Variants in PCDH9 observed in about 807,000 individuals in gnomAD.
PCDH9 encodes protocadherin 9.
In PCDH9, 24 loss-of-function variants were observed where a neutral mutation model predicts 70.6. The ratio of observed to expected loss-of-function variants is 0.34; its 90% CI spans 0.25 to 0.48. PCDH9 has a LOEUF of 0.48. Ranked by LOEUF, PCDH9 falls within the 20% of genes least tolerant of loss-of-function variation. PCDH9 has a pLI of 0.99. For missense variants in PCDH9, 1,281 were observed against 1,503.6 expected (o/e 0.85, Z 2.45); for synonymous variants, 562 against 558.5 (o/e 1.01, Z -0.09).
At chr13:67,007,616 G>A (rs2084377588) in intron 2 of PCDH9, among the ~76,000 whole-genome samples, 1 of 152,154 alleles carries the variant, frequency 6.6e-6, no homozygotes, top group African/African-American at 2.4e-5. Flanking sequence ...TCAGCAAAAA[G>A]TTGTGAACCA....
intron 3 of PCDH9, among the ~76,000 whole-genome samples, chr13:66,866,992 G>A (rs2081587558): frequency 6.8e-6 from 1 of 147,394 alleles, no homozygotes; most frequent in African/African-American, 2.5e-5. Context: ...AATTGTTTAT[G>A]TTAATGACCA....
chr13:66,772,403 A>C (rs1487065015), intron 3 of PCDH9, among the ~76,000 whole-genome samples: 1 of 152,092 alleles, frequency 6.6e-6, no homozygotes, highest in South Asian at 2.1e-4. Flanking sequence ...TTTCTAGCTC[A>C]TTTTTTCCTC....
At chr13:67,062,054 G>A (rs1441015653) in intron 2 of PCDH9, among the ~76,000 whole-genome samples, 2 of 152,168 alleles carry the variant, frequency 1.3e-5, no homozygotes, top group African/African-American at 4.8e-5. Context: ...AGTTTCAGCT[G>A]GTGGAAGTCA....
At position 66,533,352 on chromosome 13, in the gene PCDH9, C is replaced by T. The variant is rs1046581264; in HGVS notation, c.3340+97858G>A. 2.0e-5 allele frequency among the ~76,000 whole-genome samples: 3 copies of T among 151,688 alleles called. No homozygotes were observed. In the South Asian group the frequency reaches 6.3e-4, roughly 32 times the overall value. On this transcript the variant is annotated intron_variant, in intron 4 of 4. Transcript: ENST00000377865. The stretch of plus-strand genomic sequence containing the variant: ...GCTTTTCTAGTCTCTCATATTAAAC[C>T]ACTGCACCCCTTTCTATATCTCATG...
At chr13:66,493,634 A>T (rs931030547) in intron 4 of PCDH9, among the ~76,000 whole-genome samples, 1 of 152,168 alleles carries the variant, frequency 6.6e-6, no homozygotes, top group Non-Finnish European at 1.5e-5. Flanking sequence ...ATAACCAAGG[A>T]AGTTACTACA....
intron 4 of PCDH9, among the ~76,000 whole-genome samples, chr13:66,459,088 G>C (rs1958371364): frequency 6.6e-6 from 1 of 151,946 alleles, no homozygotes; most frequent in African/African-American, 2.4e-5. Flanking sequence ...ATAAGAACGT[G>C]TTCCACTGCT....
chr13:66,435,250 A>G, intron 4 of PCDH9, among the ~76,000 whole-genome samples: 1 of 152,160 alleles, frequency 6.6e-6, no homozygotes, highest in East Asian at 1.9e-4. Flanking sequence ...CACTGTGTCT[A>G]TATCTGGTTT....
intron 3 of PCDH9, among the ~76,000 whole-genome samples, chr13:66,731,480 C>A (rs1488150474): frequency 1.3e-5 from 2 of 151,994 alleles, no homozygotes; most frequent in East Asian, 3.9e-4. Context: ...GTATCATTAG[C>A]CTAATAAAGT....
intron 3 of PCDH9, among the ~76,000 whole-genome samples, chr13:66,696,099 TTA>T (rs2078558978): frequency 1.3e-5 from 2 of 152,146 alleles, no homozygotes; most frequent in Admixed American, 6.5e-5. Flanking sequence ...ATTACATGAA[TTA>T]TGTTTGGCTA....
At chr13:66,561,194 G>T (rs1962009411) in intron 4 of PCDH9, among the ~76,000 whole-genome samples, 1 of 152,232 alleles carries the variant, frequency 6.6e-6, no homozygotes, top group African/African-American at 2.4e-5. Flanking sequence ...GCAGTGAGGG[G>T]CTTAGCGCCT....
At chr13:67,137,734 C>T (rs1230614956) in intron 2 of PCDH9, among the ~76,000 whole-genome samples, 2 of 152,014 alleles carry the variant, frequency 1.3e-5, no homozygotes, top group Non-Finnish European at 2.9e-5. Flanking sequence ...GGAAATTCTT[C>T]CTTCTCTGGT....
chr13:66,939,419 AAT>A (rs1252458103), intron 2 of PCDH9, among the ~76,000 whole-genome samples: 1 of 78,502 alleles, frequency 1.3e-5, no homozygotes, highest in African/African-American at 4.2e-5. Context: ...GTCACTTTAA[AAT>A]ATATGTGTGT....
chr13:66,546,276 T>C lies in PCDH9; in HGVS notation c.3340+84934A>G, dbSNP rs571556854. Among the ~76,000 whole-genome samples the C allele has an allele frequency of 3.3e-5, 5 of 152,042 alleles. No individual in the cohort carries two copies. The South Asian group carries it at 1.0e-3, about 32-fold the overall frequency. On this transcript the variant is annotated intron_variant, in intron 4 of 4. Coordinates refer to ENST00000377865, the MANE Select transcript of PCDH9 (RefSeq NM_203487.3). Reference sequence around the variant, plus strand: ...ATAGGAGATGACAGCACACACATGTTATTGCTTCTGAAGACCTTCCAATGG... The same window carrying C: ...ATAGGAGATGACAGCACACACATGTCATTGCTTCTGAAGACCTTCCAATGG...
chr13:66,911,616 C>A (rs2082467918), intron 2 of PCDH9, among the ~76,000 whole-genome samples: 1 of 152,156 alleles, frequency 6.6e-6, no homozygotes, highest in Non-Finnish European at 1.5e-5. Context: ...ACTTCAAACA[C>A]TAATGGTCTA....
chr13:66,599,805 A>G (rs2077144727), intron 4 of PCDH9, among the ~76,000 whole-genome samples: 1 of 151,854 alleles, frequency 6.6e-6, no homozygotes, highest in Non-Finnish European at 1.5e-5. Context: ...TTTAGACTAT[A>G]TCTACTAGAG....
chr13:66,567,440 T>A (rs1301319645), intron 4 of PCDH9, among the ~76,000 whole-genome samples: 1 of 152,152 alleles, frequency 6.6e-6, no homozygotes, highest in Non-Finnish European at 1.5e-5. Context: ...AGAATGCCAA[T>A]CTTTAACCTT....
At chr13:66,592,015 T>C (rs1338791141) in intron 4 of PCDH9, among the ~76,000 whole-genome samples, 3 of 151,674 alleles carry the variant, frequency 2.0e-5, no homozygotes, top group African/African-American at 7.2e-5. Context: ...AACTATTTAA[T>C]GAATTCTACA....
At chr13:66,850,574 C>A (rs1373736896) in intron 3 of PCDH9, among the ~76,000 whole-genome samples, 1 of 149,594 alleles carries the variant, frequency 6.7e-6, no homozygotes, top group African/African-American at 2.4e-5. Context: ...AGACATTAAA[C>A]AACAAGGCAT....
chr13:66,998,696 C>A (rs547562763), intron 2 of PCDH9, among the ~76,000 whole-genome samples: 4 of 152,290 alleles, frequency 2.6e-5, no homozygotes, highest in Admixed American at 2.6e-4. Context: ...CACATTCCTG[C>A]CAGTTGTCTC....
Sources: allele counts gnomAD v4.1 joint callset (sites outside exome capture counted in the v4.1 genomes callset), GRCh38; gene constraint gnomAD v4.1.1; transcripts MANE v1.5; gene names NCBI Gene and HGNC (gene_info 2026-07-23, HGNC 2026-07-21).